SKIC3: variants seen among roughly 807,000 people sequenced by gnomAD.
The protein encoded by SKIC3 is SKI3 subunit of superkiller complex.
chr5:95,513,578 T>C, the SKIC3 span: 3 of 1,613,714 alleles, frequency 1.9e-6, no homozygotes, highest in Non-Finnish European at 2.5e-6. Flanking sequence ...TACATGCATA[T>C]TTAGTTCTGT....
chr5:95,516,446 C>T, the SKIC3 span: 3 of 1,612,480 alleles, frequency 1.9e-6, no homozygotes, highest in Non-Finnish European at 2.5e-6. Context: ...AAAATAGGCC[C>T]CTTGTCTAGT....
chr5:95,521,401 G>A, the SKIC3 span: 23,586 of 151,830 alleles, frequency 0.16, 2,530 homozygotes, highest in African/African-American at 0.3. Flanking sequence ...TACCAAAACC[G>A]GAATGATAAA....
At chr5:95,540,804 T>C in the SKIC3 span, 2 of 1,614,162 alleles carry the variant, frequency 1.2e-6, no homozygotes, top group South Asian at 2.2e-5. Context: ...GCCGTGTTTT[T>C]ATCAACTTGT....
the SKIC3 span, among the ~76,000 whole-genome samples, chr5:95,490,489 C>CATAT: frequency 2.2e-3 from 311 of 138,532 alleles, 1 homozygote; most frequent in African/African-American, 7.1e-3. Context: ...TAAAAATATA[C>CATAT]ATATATATAT....
chr5:95,542,016 AG>A, the SKIC3 span: 1 of 742,434 alleles, frequency 1.3e-6, no homozygotes, highest in Non-Finnish European at 2.2e-6. Flanking sequence ...TTTCTGAAAA[AG>A]GATTATTATA....
chr5:95,544,061 G>A, the SKIC3 span, among the ~76,000 whole-genome samples: 4 of 152,230 alleles, frequency 2.6e-5, no homozygotes, highest in East Asian at 1.9e-4. Context: ...TGAGTTAAGC[G>A]AGTCATATTA....
chr5:95,509,767 C>T, the SKIC3 span: 2 of 913,508 alleles, frequency 2.2e-6, no homozygotes, highest in Non-Finnish European at 3.5e-6. Context: ...TTTTCAGTAT[C>T]TTAAATATCA....
the SKIC3 span, among the ~76,000 whole-genome samples, chr5:95,501,306 T>C: frequency 1.3e-5 from 2 of 152,192 alleles, no homozygotes; most frequent in Non-Finnish European, 2.9e-5. Context: ...ATCTGTATGT[T>C]GTCTTTTACC....
At chr5:95,516,701 T>G in the SKIC3 span, 4 of 1,613,436 alleles carry the variant, frequency 2.5e-6, no homozygotes, top group Non-Finnish European at 3.4e-6. Flanking sequence ...ACCAAGAGCA[T>G]TCCAGTATAA....
the SKIC3 span, chr5:95,525,474 G>A: frequency 6.2e-7 from 1 of 1,613,882 alleles, no homozygotes; most frequent in Non-Finnish European, 8.5e-7. Context: ...GCTAGGTCAG[G>A]GTAAGAAGAG....
the SKIC3 span, among the ~76,000 whole-genome samples, chr5:95,482,036 A>C: frequency 1.3e-5 from 2 of 152,172 alleles, no homozygotes; most frequent in African/African-American, 2.4e-5. Context: ...GAAAGAGCAG[A>C]TGATCTGTTG....
At chr5:95,470,685 T>A in the SKIC3 span, among the ~76,000 whole-genome samples, 1 of 152,158 alleles carries the variant, frequency 6.6e-6, no homozygotes, top group African/African-American at 2.4e-5. Flanking sequence ...GATAAAGGTA[T>A]TAAATCAAAG....
chr5:95,479,673 CATT>C, the SKIC3 span, among the ~76,000 whole-genome samples: 1 of 133,924 alleles, frequency 7.5e-6, no homozygotes, highest in East Asian at 2.2e-4. Context: ...TAGGAAAAAA[CATT>C]GTGTGTGTGT....
At chr5:95,489,332 C>T in the SKIC3 span, among the ~76,000 whole-genome samples, 1 of 151,248 alleles carries the variant, frequency 6.6e-6, no homozygotes, top group Non-Finnish European at 1.5e-5. Flanking sequence ...TGTGTGCTTA[C>T]GTGTGTGTGG....
At chr5:95,478,245 TA>T in the SKIC3 span, 16 of 1,608,584 alleles carry the variant, frequency 9.9e-6, no homozygotes, top group African/African-American at 1.3e-5. Flanking sequence ...CAAAGAAAGA[TA>T]AAAAAATCAA....
At chr5:95,489,058 T>A in the SKIC3 span, among the ~76,000 whole-genome samples, 1 of 152,202 alleles carries the variant, frequency 6.6e-6, no homozygotes, top group East Asian at 1.9e-4. Context: ...GGCTCACACC[T>A]GTAATCCCAA....
the SKIC3 span, among the ~76,000 whole-genome samples, chr5:95,548,037 T>G: frequency 1.3e-5 from 2 of 152,098 alleles, no homozygotes; most frequent in African/African-American, 2.4e-5. Context: ...ATTTCTTCAT[T>G]TAGTCTTAAG....
the SKIC3 span, among the ~76,000 whole-genome samples, chr5:95,490,749 C>T: frequency 2.6e-5 from 4 of 152,072 alleles, no homozygotes; most frequent in African/African-American, 7.2e-5. Context: ...CTGCCCATCT[C>T]GGCCTCCCAA....
chr5:95,482,863 T>C, the SKIC3 span, among the ~76,000 whole-genome samples: 1 of 152,296 alleles, frequency 6.6e-6, no homozygotes, highest in Middle Eastern at 3.4e-3. Flanking sequence ...GTAGTCTACA[T>C]GTATTTCCCT....
Sources: gnomAD v4.1 joint callset for allele counts (sites outside exome capture counted in the v4.1 genomes callset) on GRCh38, gnomAD v4.1.1 for gene constraint, MANE v1.5 for transcripts, NCBI Gene and HGNC (gene_info 2026-07-23, HGNC 2026-07-21) for gene names.